The following ATP6AP2 variants were observed in gnomAD, a reference collection of about 807,000 sequenced individuals.
ATP6AP2 encodes ATPase H+ transporting accessory protein 2.
ATP6AP2 carries 1 observed loss-of-function variant against 23.4 expected under a neutral mutation model. The observed-to-expected ratio is 0.04, with a 90% CI of 0.02 to 0.20. ATP6AP2 has a LOEUF of 0.20. Ranked by LOEUF, ATP6AP2 falls within the 10% of genes least tolerant of loss-of-function variation. The pLI is 1.00. For synonymous variants in ATP6AP2, 90 were observed against 97.1 expected (o/e 0.93, Z 0.43); for missense variants, 174 against 271.3 (o/e 0.64, Z 2.52).
At chrX:40,600,975 A>AATGAGC (rs1307900647) in intron 8 of ATP6AP2, 94 bp downstream of exon 8, 3 of 899,772 alleles carry the variant, frequency 3.3e-6, no homozygotes, top group Admixed American at 3.0e-5. Flanking sequence ...GGGTGACATG[A>AATGAGC]ATGAGCAGTC....
chrX:40,602,372 C>T (rs1468665840), intron 8 of ATP6AP2, among the ~76,000 whole-genome samples: 7 of 94,763 alleles, frequency 7.4e-5, no homozygotes, highest in Non-Finnish European at 1.4e-4. Context: ...AAGAGGAGGC[C>T]GGGTGCGGTG....
intron 1 of ATP6AP2, among the ~76,000 whole-genome samples, chrX:40,588,345 C>A (rs370647718): frequency 0.016 from 1,066 of 67,392 alleles, 47 homozygotes; most frequent in African/African-American, 0.055. Context: ...CCCCCCCCCC[C>A]CCCCAACATT....
At chrX:40,594,766 T>C (rs1463028225) in intron 3 of ATP6AP2, among the ~76,000 whole-genome samples, 2 of 112,614 alleles carry the variant, frequency 1.8e-5, no homozygotes, top group Non-Finnish European at 3.8e-5. Flanking sequence ...AAATAATTCA[T>C]GGGTTGAGGA....
intron 8 of ATP6AP2, chrX:40,604,976 C>G (rs1324327839): frequency 1.2e-5 from 1 of 85,872 alleles, no homozygotes; most frequent in African/African-American, 5.4e-5. Context: ...TCTTGTTGCT[C>G]AGGCTGGAGT....
chrX:40,601,075 G>A, intron 8 of ATP6AP2, 194 bp downstream of exon 8: 1 of 414,318 alleles, frequency 2.4e-6, no homozygotes, highest in South Asian at 3.8e-5. Flanking sequence ...GTTCTTTAGG[G>A]TTATAATCAG....
rs1050677613 is a variant in ATP6AP2, at chrX:40,581,220, G to T, written c.37+118G>T. 35 of 807,747 alleles carry T rather than the reference G, an allele frequency of 4.3e-5. No individual in the cohort carries two copies. The African/African-American group carries it at 7.5e-4, about 17-fold the overall frequency. The allele number at this position is 807,747 out of a possible 1,213,427, so 66.6% of individuals were successfully genotyped here. A position where few individuals can be genotyped will look rare whatever the true frequency, so the allele number is the denominator to read the frequency against. ...GCAGGTGCCGCAGTGCGGTCCGTCA[G>T]CGGCGGCCTCGCCTCAGCCGCGTCC... On this transcript the variant is annotated intron_variant, in intron 1 of 8. Coordinates refer to ENST00000636580, the MANE Select transcript of ATP6AP2 (RefSeq NM_005765.3).
Position 40,599,639 on chromosome X carries a change from T to C in ATP6AP2, c.636T>C (p.Tyr212=), listed in dbSNP as rs1189499462. 2 of 1,211,380 alleles carry C rather than the reference T, an allele frequency of 1.7e-6. No individual in the cohort carries two copies. The highest frequency in any genetic ancestry group is 2.2e-6 in the Non-Finnish European group (2 of 895,095). Residue 212 remains tyrosine (Y), a synonymous_variant, in exon 7 of 9, where the codon TAT becomes TAC. Coordinates refer to ENST00000636580, the MANE Select transcript of ATP6AP2 (RefSeq NM_005765.3). ...HLAKDHSPDL[Y]SLELAGLDEI... ...CCAAGGATCATTCTCCTGATTTATA[T>C]TCACTGGAGCTGGCAGGTTTGGATG...
At chrX:40,594,183 A>G (rs1926720926) in intron 3 of ATP6AP2, among the ~76,000 whole-genome samples, 1 of 112,298 alleles carries the variant, frequency 8.9e-6, no homozygotes, top group Admixed American at 9.5e-5. Context: ...ATTGTACCCC[A>G]TAAATATATA....
At chrX:40,593,239 TC>T (rs1926685352) in intron 3 of ATP6AP2, among the ~76,000 whole-genome samples, 1 of 108,936 alleles carries the variant, frequency 9.2e-6, no homozygotes, top group Non-Finnish European at 1.9e-5. Context: ...AGAGCGAGAC[TC>T]CATCTGGGAA....
At chrX:40,597,749 C>T in intron 5 of ATP6AP2, 85 bp downstream of exon 5, 1 of 1,037,584 alleles carries the variant, frequency 9.6e-7, no homozygotes. Context: ...CTCTGTTGTC[C>T]AGGCTGGTCT....
intron 3 of ATP6AP2, among the ~76,000 whole-genome samples, chrX:40,595,567 T>C (rs955638746): frequency 2.4e-4 from 27 of 112,325 alleles, no homozygotes; most frequent in African/African-American, 8.7e-4. Context: ...TTGATCGCTA[T>C]GGACATGGTT....
intron 3 of ATP6AP2, among the ~76,000 whole-genome samples, chrX:40,593,411 T>C (rs12688723): frequency 0.11 from 12,183 of 111,559 alleles, 1,251 homozygotes; most frequent in African/African-American, 0.3. Flanking sequence ...CTTAACATAA[T>C]GTCCTCCAGG....
chrX:40,585,454 A>G (rs1926441396), intron 1 of ATP6AP2, among the ~76,000 whole-genome samples: 1 of 111,751 alleles, frequency 8.9e-6, no homozygotes, highest in African/African-American at 3.3e-5. Flanking sequence ...GGGGCTTTTC[A>G]AGGAGGGAGT....
At chrX:40,592,693 A>G (rs1159258802) in intron 3 of ATP6AP2, among the ~76,000 whole-genome samples, 1 of 111,721 alleles carries the variant, frequency 9.0e-6, no homozygotes, top group Non-Finnish European at 1.9e-5. Flanking sequence ...AGTAATTTCT[A>G]ATTTTTAAAT....
At chrX:40,598,563 T>C in intron 5 of ATP6AP2, 118 bp from the exon 6 acceptor site, 1 of 688,878 alleles carries the variant, frequency 1.5e-6, no homozygotes, top group Admixed American at 2.5e-5. Context: ...AAGATAATTA[T>C]ATAAATTCAC....
rs79790275 is a variant in ATP6AP2 at position 40,605,752 on chromosome X, T to C, written c.1050T>C (p.Asp350=). The change falls in exon 9 of 9, where the codon GAT becomes GAC. Residue 350 remains aspartate, a synonymous_variant. Transcript: ENST00000636580. Reference sequence around the variant, plus strand: ...TGACAAACCAGAAGATTCGAATGGATTGAATGTTACCTGTGCCAGAATTAG... The same window carrying C: ...TGACAAACCAGAAGATTCGAATGGACTGAATGTTACCTGTGCCAGAATTAG... ...YRMTNQKIRM[D] 302 of 1,201,956 alleles carry C rather than the reference T, an allele frequency of 2.5e-4. No individual in the cohort carries two copies. The African/African-American group carries it at 4.6e-3, about 18-fold the overall frequency.
intron 5 of ATP6AP2, 192 bp downstream of exon 5, chrX:40,597,856 T>G (rs1246002120): frequency 4.7e-6 from 2 of 423,384 alleles, no homozygotes; most frequent in African/African-American, 5.0e-5. Context: ...CTTATACTAC[T>G]TGAAATTTTG....
At chrX:40,596,255 GT>G (rs1370716909) in intron 3 of ATP6AP2, among the ~76,000 whole-genome samples, 5 of 111,291 alleles carry the variant, frequency 4.5e-5, no homozygotes, top group African/African-American at 1.6e-4. Context: ...TCATATTAGC[GT>G]TACTTTGCTA....
intron 2 of ATP6AP2, 84 bp from the exon 3 acceptor site, chrX:40,591,150 C>T: frequency 8.7e-7 from 1 of 1,148,221 alleles, no homozygotes; most frequent in Non-Finnish European, 1.2e-6. Context: ...CTCAGAACCC[C>T]TTAACTCTGC....
Sources: gnomAD v4.1 joint callset for allele counts (sites outside exome capture counted in the v4.1 genomes callset) on GRCh38, gnomAD v4.1.1 for gene constraint, MANE v1.5 for transcripts, NCBI Gene and HGNC (gene_info 2026-07-23, HGNC 2026-07-21) for gene names.